Variants in MIPOL1 observed in about 807,000 individuals in gnomAD.
The protein encoded by MIPOL1 is mirror-image polydactyly 1.
In MIPOL1, 57 loss-of-function variants were observed where a neutral mutation model predicts 60.9. That is an observed-to-expected ratio of 0.94 (90% CI 0.76 to 1.17). The LOEUF (loss-of-function observed/expected upper bound fraction) is 1.17. Among genes scored for constraint, MIPOL1 ranks in the 50% most tolerant of loss-of-function variants. The pLI is 0.00. For missense variants in MIPOL1, 551 were observed against 511.6 expected (o/e 1.08, Z -0.74); for synonymous variants, 179 against 168.8 (o/e 1.06, Z -0.47).
At chr14:37,312,670 C>G (rs2087453719) in intron 9 of MIPOL1, among the ~76,000 whole-genome samples, 1 of 151,934 alleles carries the variant, frequency 6.6e-6, no homozygotes, top group Admixed American at 6.6e-5. Context: ...ATTGTTTTTT[C>G]ATTTCTCTTC....
At chr14:37,455,667 G>A (rs979760675) in intron 11 of MIPOL1, among the ~76,000 whole-genome samples, 11 of 151,940 alleles carry the variant, frequency 7.2e-5, no homozygotes, top group African/African-American at 2.4e-4. Context: ...CAAATTAGGT[G>A]TGCTGCTTCT....
intron 7 of MIPOL1, among the ~76,000 whole-genome samples, chr14:37,292,050 T>TA (rs1396040470): frequency 6.7e-6 from 1 of 149,690 alleles, no homozygotes; most frequent in Non-Finnish European, 1.5e-5. Context: ...CTCACCCTGC[T>TA]AAGTAGCTGG....
intron 10 of MIPOL1, among the ~76,000 whole-genome samples, chr14:37,416,591 A>G (rs1414193069): frequency 6.6e-6 from 1 of 152,162 alleles, no homozygotes; most frequent in Non-Finnish European, 1.5e-5. Context: ...TTATGGAACT[A>G]TAGTCTTATA....
chr14:37,543,513 G>A (rs1216128161), intron 12 of MIPOL1, among the ~76,000 whole-genome samples: 2 of 152,116 alleles, frequency 1.3e-5, no homozygotes, highest in East Asian at 1.9e-4. Flanking sequence ...CTGGCCTCAA[G>A]TGATCTGCCC....
chr14:37,437,750 C>G (rs113346866), intron 11 of MIPOL1, among the ~76,000 whole-genome samples: 3 of 152,214 alleles, frequency 2.0e-5, no homozygotes, highest in Admixed American at 6.5e-5. Context: ...ATACCTGCCT[C>G]ATATCATTGT....
chr14:37,423,263 G>A (rs896591947), intron 11 of MIPOL1, among the ~76,000 whole-genome samples: 2 of 149,788 alleles, frequency 1.3e-5, no homozygotes, highest in African/African-American at 2.4e-5. Context: ...TAAAACAATC[G>A]TAAATATAAA....
intron 6 of MIPOL1, among the ~76,000 whole-genome samples, chr14:37,271,786 G>T (rs2083318773): frequency 6.6e-6 from 1 of 151,492 alleles, no homozygotes. Context: ...ACTCTTACAA[G>T]AATTTTGATG....
chr14:37,407,842 CTTCTTTTTTTTTTT>C (rs1274922726), intron 10 of MIPOL1, among the ~76,000 whole-genome samples: 6 of 58,062 alleles, frequency 1.0e-4, no homozygotes, highest in South Asian at 1.0e-3. Context: ...TCTTCTTCTT[CTTCTTTTTTTTTTT>C]TTTTTTTTTT....
intron 1 of MIPOL1, among the ~76,000 whole-genome samples, chr14:37,205,301 A>C (rs1443177755): frequency 6.6e-6 from 1 of 151,924 alleles, no homozygotes; most frequent in South Asian, 2.1e-4. Flanking sequence ...ACAGGATTTC[A>C]TCATGTTGGC....
chr14:37,289,855 A>G (rs1192653004), intron 7 of MIPOL1, among the ~76,000 whole-genome samples: 1 of 152,166 alleles, frequency 6.6e-6, no homozygotes, highest in Non-Finnish European at 1.5e-5. Flanking sequence ...TCCATCCAGA[A>G]GGTATCTAAG....
In MIPOL1 at chr14:37,422,854, G is replaced by A; in HGVS notation, c.937-1G>A. On this transcript the variant is annotated splice_acceptor_variant, in intron 10 of 12. Coordinates refer to ENST00000684589, the MANE Select transcript of MIPOL1 (RefSeq NM_001388067.1). LOFTEE classifies it high-confidence loss of function. ...TTTCTTAAAATATTAATTACTTTTA[G>A]GCAAAGTTGTTATCTATGCAACAAG... 6.3e-7 allele frequency: 1 copy of A among 1,590,504 alleles called. No individual in the cohort carries two copies. The highest frequency in any genetic ancestry group is 1.1e-5 in the South Asian group (1 of 87,998).
At chr14:37,399,369 C>G (rs1392241353) in intron 10 of MIPOL1, among the ~76,000 whole-genome samples, 1 of 152,152 alleles carries the variant, frequency 6.6e-6, no homozygotes, top group Non-Finnish European at 1.5e-5. Context: ...TCCAGTATGT[C>G]CAATCCCAGG....
chr14:37,310,099 A>G (rs1395247754), intron 9 of MIPOL1, among the ~76,000 whole-genome samples: 1 of 152,110 alleles, frequency 6.6e-6, no homozygotes, highest in Non-Finnish European at 1.5e-5. Flanking sequence ...ATAGCCCATT[A>G]TAATTATCGC....
chr14:37,421,519 G>T (rs1273710155), intron 10 of MIPOL1, among the ~76,000 whole-genome samples: 1 of 151,984 alleles, frequency 6.6e-6, no homozygotes, highest in Non-Finnish European at 1.5e-5. Context: ...ATTCTTTGAC[G>T]TTAAGAATCA....
intron 11 of MIPOL1, among the ~76,000 whole-genome samples, chr14:37,447,387 C>G (rs2094354026): frequency 6.6e-6 from 1 of 152,056 alleles, no homozygotes; most frequent in Non-Finnish European, 1.5e-5. Context: ...CACTCTAGTT[C>G]TCCTAGTTTC....
chr14:37,359,740 G>T (rs1459894751), intron 9 of MIPOL1, among the ~76,000 whole-genome samples: 1 of 152,054 alleles, frequency 6.6e-6, no homozygotes, highest in Non-Finnish European at 1.5e-5. Context: ...GAGACGATGG[G>T]GTTTTCTAAA....
chr14:37,229,823 T>C (rs1349807864), intron 1 of MIPOL1, among the ~76,000 whole-genome samples: 2 of 152,180 alleles, frequency 1.3e-5, no homozygotes, highest in Non-Finnish European at 2.9e-5. Context: ...CTATATATGT[T>C]ACAAAAAGAC....
Position 37,499,958 on chromosome 14 carries a change from A to C in MIPOL1, c.1082A>C (p.Tyr361Ser), listed in dbSNP as rs573869558. Residue 361 changes from tyrosine to serine, a missense_variant, in exon 12 of 13, where the codon TAT becomes TCT. By Grantham distance (144) the Tyr-to-Ser change is moderately radical (BLOSUM62 -2). Transcript: ENST00000684589. ...GAAAATCTGAAGGATCAGTTTAACTATACCCTTAGTACATATGAAGAAGCT... is the reference window on the plus strand; with the variant it reads ...GAAAATCTGAAGGATCAGTTTAACTCTACCCTTAGTACATATGAAGAAGCT... ...QEENLKDQFN[Y>S]TLSTYEEALK... is the part of the protein sequence containing the mutation. The C allele has an allele frequency of 2.5e-6, 4 of 1,610,604 alleles. No homozygotes were observed. In the Admixed American group the frequency reaches 6.7e-5, roughly 27 times the overall value.
chr14:37,452,888 A>G (rs749245631), intron 11 of MIPOL1, among the ~76,000 whole-genome samples: 3 of 152,192 alleles, frequency 2.0e-5, no homozygotes, highest in Admixed American at 6.6e-5. Context: ...AATGGGATTA[A>G]TGTCAAGTAG....
Sources: allele counts gnomAD v4.1 joint callset (sites outside exome capture counted in the v4.1 genomes callset), GRCh38; gene constraint gnomAD v4.1.1; transcripts MANE v1.5; gene names NCBI Gene and HGNC (gene_info 2026-07-23, HGNC 2026-07-21).